NAALADL2: variants seen among roughly 807,000 people sequenced by gnomAD.
The protein encoded by NAALADL2 is N-acetylated alpha-linked acidic dipeptidase like 2.
NAALADL2 carries 76 observed loss-of-function variants against 87.2 expected under a neutral mutation model. That is an observed-to-expected ratio of 0.87 (90% CI 0.72 to 1.05). The LOEUF (loss-of-function observed/expected upper bound fraction) is 1.05, where lower values mean the gene tolerates loss of function less well. Ranked by LOEUF, NAALADL2 falls within the 50% of genes least tolerant of loss-of-function variation. The pLI is 0.00. For missense variants in NAALADL2, 1,089 were observed against 945.8 expected, an observed-to-expected ratio of 1.15 and a Z score of -1.99; for synonymous variants, 354 against 331.0, an observed-to-expected ratio of 1.07 and a Z score of -0.75.
chr3:174,881,714 G>A (rs1729217076), intron 1 of NAALADL2, among the ~76,000 whole-genome samples: 1 of 152,092 alleles, frequency 6.6e-6, no homozygotes, highest in South Asian at 2.1e-4. Flanking sequence ...CAAGCTCCTA[G>A]AATAGTCACT....
chr3:174,804,469 G>A (rs368996124), intron 3 of NAALADL2, among the ~76,000 whole-genome samples: 34 of 152,140 alleles, frequency 2.2e-4, no homozygotes, highest in African/African-American at 7.7e-4. Context: ...TCTTTCTCTT[G>A]CTTGATTGCC....
chr3:174,692,671 A>G (rs2108857400), intron 2 of NAALADL2, among the ~76,000 whole-genome samples: 1 of 152,228 alleles, frequency 6.6e-6, no homozygotes, highest in African/African-American at 2.4e-5. Context: ...TACTAGGACA[A>G]ATTACTAAGC....
At chr3:174,825,741 T>G (rs1398661172) in intron 3 of NAALADL2, among the ~76,000 whole-genome samples, 2 of 152,106 alleles carry the variant, frequency 1.3e-5, no homozygotes, top group Non-Finnish European at 2.9e-5. Context: ...AAACATCTTT[T>G]GAAGGGCCAG....
At chr3:174,749,103 C>T (rs1394938351) in intron 3 of NAALADL2, among the ~76,000 whole-genome samples, 2 of 151,646 alleles carry the variant, frequency 1.3e-5, no homozygotes, top group African/African-American at 4.9e-5. Context: ...TATGCTTTCA[C>T]ATCCCCTGTT....
chr3:175,718,360 T>C, intron 11 of NAALADL2: 1 of 1,602,856 alleles, frequency 6.2e-7, no homozygotes, highest in Non-Finnish European at 8.5e-7. Flanking sequence ...ACTGATATGC[T>C]CTTGGGTCCA....
rs534303714 is a variant in NAALADL2, at chr3:175,648,122, T to C, written c.1896+20736T>C. On this transcript the variant is annotated intron_variant, in intron 11 of 13. Coordinates refer to ENST00000454872, the MANE Select transcript of NAALADL2 (RefSeq NM_207015.3). Reference sequence around the variant, plus strand: ...GCTTTAGGTATGTTTCTGAAAATAGTACAATTGGACCCTTGGGGTGGGGGA... The same window carrying C: ...GCTTTAGGTATGTTTCTGAAAATAGCACAATTGGACCCTTGGGGTGGGGGA... 4.6e-5 allele frequency among the ~76,000 whole-genome samples: 7 copies of C among 152,280 alleles called. No homozygotes were observed. In the South Asian group the frequency reaches 1.5e-3, roughly 32 times the overall value.
Position 174,891,234 on chromosome 3 carries a change from A to G in NAALADL2, c.43+31784A>G, listed in dbSNP as rs115498779. ...AATAGTAAAATATTTTTGGCATGTT[A>G]GAATACACTCTAAGGTGGCAAAACA... On this transcript the variant is annotated intron_variant, in intron 1 of 13. Coordinates refer to ENST00000454872, the MANE Select transcript of NAALADL2 (RefSeq NM_207015.3). 3.0e-3 allele frequency among the ~76,000 whole-genome samples: 453 copies of G among 152,214 alleles called. 2 individuals carry two copies. The highest frequency in any genetic ancestry group is 0.011 in the African/African-American group (439 of 41,538).
intron 11 of NAALADL2, chr3:175,718,121 G>A (rs994297004): frequency 1.9e-5 from 18 of 930,204 alleles, no homozygotes; most frequent in South Asian, 5.7e-5. Context: ...TCTACAAGAC[G>A]TATCTAGAAA....
intron 3 of NAALADL2, among the ~76,000 whole-genome samples, chr3:174,833,200 G>T (rs990371482): frequency 2.0e-5 from 3 of 152,122 alleles, no homozygotes; most frequent in Non-Finnish European, 2.9e-5. Flanking sequence ...AAAAGAAGGA[G>T]ATAACTTTGG....
At chr3:175,153,405 G>A (rs1207854315) in intron 2 of NAALADL2, among the ~76,000 whole-genome samples, 2 of 152,112 alleles carry the variant, frequency 1.3e-5, no homozygotes, top group Non-Finnish European at 2.9e-5. Context: ...TCCATGAAAG[G>A]ACACTGCACT....
intron 3 of NAALADL2, among the ~76,000 whole-genome samples, chr3:175,241,855 A>ATTTTTTTTTTTTTTTTTTTTTTT (rs779567135): frequency 3.6e-5 from 3 of 83,818 alleles, no homozygotes; most frequent in Admixed American, 1.8e-4. Flanking sequence ...TGGATGCTGA[A>ATTTTTTTTTTTTTTTTTTTTTTT]TTTTTTTTTT....
chr3:174,989,525 A>G lies in NAALADL2; in HGVS notation c.44-107265A>G, dbSNP rs142684077. Among the ~76,000 whole-genome samples, 620 of 152,278 alleles carry G rather than the reference A, an allele frequency of 4.1e-3. 4 individuals are homozygous for G. The highest frequency in any genetic ancestry group is 0.014 in the African/African-American group (586 of 41,552). ...CACATATGTTTTATAATGTCAAATGAGGGATTTTGGTTTTTATGTTGTTGG... is the reference window on the plus strand; with the variant it reads ...CACATATGTTTTATAATGTCAAATGGGGGATTTTGGTTTTTATGTTGTTGG... On this transcript the variant is annotated intron_variant, in intron 1 of 13. Coordinates refer to ENST00000454872, the MANE Select transcript of NAALADL2 (RefSeq NM_207015.3).
intron 1 of NAALADL2, among the ~76,000 whole-genome samples, chr3:175,042,751 T>C (rs1190950112): frequency 1.3e-5 from 2 of 152,170 alleles, no homozygotes; most frequent in African/African-American, 4.8e-5. Context: ...AAAATATCTA[T>C]TCAGTTCCAC....
rs556762272 is a variant in NAALADL2 at position 174,920,511 on chromosome 3, G to A, written c.43+61061G>A. Among the ~76,000 whole-genome samples, 19 of 152,286 alleles carry A rather than the reference G, an allele frequency of 1.2e-4. No homozygotes were observed. The East Asian group carries it at 1.5e-3, about 12-fold the overall frequency. On this transcript the variant is annotated intron_variant, in intron 1 of 13. Transcript: ENST00000454872. ...CACCTGTCTCAGCCTTCATAGAACCGAAGAGTTTTGAGATCTTGCTCTTAA... is the reference window on the plus strand; with the variant it reads ...CACCTGTCTCAGCCTTCATAGAACCAAAGAGTTTTGAGATCTTGCTCTTAA...
intron 2 of NAALADL2, among the ~76,000 whole-genome samples, chr3:175,115,704 A>C (rs1274630737): frequency 2.0e-5 from 3 of 151,640 alleles, no homozygotes; most frequent in Non-Finnish European, 3.0e-5. Context: ...TTCTGCTTGG[A>C]TAGGATATTT....
At chr3:174,493,656 A>G (rs1323307247) in intron 1 of NAALADL2, among the ~76,000 whole-genome samples, 1 of 152,200 alleles carries the variant, frequency 6.6e-6, no homozygotes, top group Non-Finnish European at 1.5e-5. Flanking sequence ...AAGGCCTAGA[A>G]AGTAAAAGGG....
intron 3 of NAALADL2, among the ~76,000 whole-genome samples, chr3:174,831,573 T>C (rs1463082461): frequency 1.3e-5 from 2 of 150,796 alleles, no homozygotes; most frequent in African/African-American, 4.9e-5. Context: ...AATTCTCTTT[T>C]TTTGTTGTGT....
intron 2 of NAALADL2, among the ~76,000 whole-genome samples, chr3:175,199,791 ATC>A (rs1350180288): frequency 9.2e-6 from 1 of 108,164 alleles, no homozygotes; most frequent in African/African-American, 3.3e-5. Flanking sequence ...TATCTTCTTA[ATC>A]TTTTTCTTTG....
chr3:175,803,712 A>G lies in NAALADL2; in HGVS notation c.*509A>G, dbSNP rs1238959811. 1 of 152,466 alleles carries G rather than the reference A, an allele frequency of 6.6e-6. No homozygotes were observed. The highest frequency in any genetic ancestry group is 1.9e-4 in the East Asian group (1 of 5,192). 9.4% of individuals were successfully genotyped at this position (152,466 alleles called of 1,614,324 possible). A position where few individuals can be genotyped will look rare whatever the true frequency, so the allele number is the denominator to read the frequency against. Reference sequence around the variant, plus strand: ...GACCTAAACCACTTTGAATGTTTCTATTTTATGAAATGAAGTTTCTCTTCT... The same window carrying G: ...GACCTAAACCACTTTGAATGTTTCTGTTTTATGAAATGAAGTTTCTCTTCT... On this transcript the variant is annotated 3_prime_UTR_variant, in exon 14 of 14. Transcript: ENST00000454872.
Sources: gnomAD v4.1 joint callset for allele counts (sites outside exome capture counted in the v4.1 genomes callset) on GRCh38, gnomAD v4.1.1 for gene constraint, MANE v1.5 for transcripts, NCBI Gene and HGNC (gene_info 2026-07-23, HGNC 2026-07-21) for gene names.